The following BCL7B variants were observed in gnomAD, a reference collection of about 807,000 sequenced individuals.
BCL7B encodes the protein B-cell CLL/lymphoma 7 protein family member B.
A neutral mutation model predicts 26.5 loss-of-function variants in BCL7B; 11 were observed. That is an observed-to-expected ratio of 0.42 (90% confidence interval 0.26 to 0.69). The LOEUF (loss-of-function observed/expected upper bound fraction) is 0.69, where lower values mean the gene tolerates loss of function less well. Among genes scored for constraint, BCL7B ranks in the 30% least tolerant of loss-of-function variants. The probability of loss-of-function intolerance (pLI) is 0.28; values close to 1 mark genes in which losing one functional copy is unlikely to be tolerated. For synonymous variants in BCL7B, 111 were observed against 107.9 expected (o/e 1.03, Z -0.18); for missense variants, 215 against 264.4 (o/e 0.81, Z 1.30).
Position 73,557,438 on chromosome 7 carries a change from G to A in BCL7B, c.92+49C>T, listed in dbSNP as rs377124364. 1,210 of 1,266,310 alleles carry A rather than the reference G, an allele frequency of 9.6e-4. 1 individual carries two copies. Among genetic ancestry groups the A allele is most frequent in the Non-Finnish European group, 1.2e-3 (1,143 of 989,440 alleles). 78.4% of individuals were successfully genotyped at this position (1,266,310 alleles called of 1,614,324 possible). On this transcript the variant is annotated intron_variant, in intron 1 of 5. Coordinates refer to ENST00000223368, the MANE Select transcript of BCL7B (RefSeq NM_001707.4). ...TGACCCGCCAGTCCCACGCTCCTCAGGGCCTGGATCCGCGACCCCCGCCAG... is the reference window on the plus strand; with the variant it reads ...TGACCCGCCAGTCCCACGCTCCTCAAGGCCTGGATCCGCGACCCCCGCCAG...
intron 2 of BCL7B, among the ~76,000 whole-genome samples, chr7:73,549,397 AG>A (rs1792072875): frequency 6.6e-6 from 1 of 152,220 alleles, no homozygotes; most frequent in Non-Finnish European, 1.5e-5. Flanking sequence ...AAAATGTTAG[AG>A]GCTGGTGCAG....
At position 73,536,883 on chromosome 7, in the gene BCL7B, C is replaced by T. The variant is rs928563150; in HGVS notation, c.*415G>A. 3.7e-5 allele frequency: 6 copies of T among 160,682 alleles called. No individual in the cohort carries two copies. The highest frequency in any genetic ancestry group is 6.9e-5 in the Non-Finnish European group (5 of 72,950). 10.0% of individuals were successfully genotyped at this position (160,682 alleles called of 1,614,324 possible). ...GGGCCCCCAGTCCTAGGGGAAAGTC[C>T]GGGAGTCTACAGTCTCCGTTCAAGT... On this transcript the variant is annotated 3_prime_UTR_variant, in exon 6 of 6. Transcript: ENST00000223368.
At chr7:73,547,444 T>C (rs782671804) in intron 2 of BCL7B, among the ~76,000 whole-genome samples, 1 of 152,050 alleles carries the variant, frequency 6.6e-6, no homozygotes, top group Non-Finnish European at 1.5e-5. Context: ...GCATGAGCTA[T>C]GGAGTGAGAC....
chr7:73,542,297 C>A (rs12155245), intron 3 of BCL7B, among the ~76,000 whole-genome samples: 37 of 152,230 alleles, frequency 2.4e-4, no homozygotes, highest in Non-Finnish European at 4.0e-4. Context: ...GACTACTGAA[C>A]ACACGTTGGT....
intron 2 of BCL7B, among the ~76,000 whole-genome samples, chr7:73,545,899 AG>A (rs1791935622): frequency 6.6e-6 from 1 of 152,072 alleles, no homozygotes; most frequent in Admixed American, 6.6e-5. Context: ...TGGGAGGCCG[AG>A]GTGGGCCGAT....
chr7:73,551,118 T>C (rs1342715112), intron 2 of BCL7B, among the ~76,000 whole-genome samples: 1 of 151,982 alleles, frequency 6.6e-6, no homozygotes, highest in Admixed American at 6.6e-5. Flanking sequence ...CACAATACAG[T>C]GGGGGACTAA....
chr7:73,539,626 G>A (rs1212470220), intron 4 of BCL7B: 2 of 433,566 alleles, frequency 4.6e-6, no homozygotes, highest in Non-Finnish European at 8.3e-6. Flanking sequence ...CACCTCACAG[G>A]ATTTTTGAGA....
rs1246317194 is a variant in BCL7B at position 73,543,209 on chromosome 7, C to T, written c.265+339G>A. ...TTTTTTTTTTTGAGACGGAGTCTCA[C>T]TCTGCAGCCCAGGCTGGAGTGCAGT... On this transcript the variant is annotated intron_variant, in intron 3 of 5. Transcript: ENST00000223368. Among the ~76,000 whole-genome samples, 4 of 151,120 alleles carry T rather than the reference C, an allele frequency of 2.6e-5. No individual in the cohort carries two copies. The East Asian group carries it at 7.8e-4, about 29-fold the overall frequency.
chr7:73,548,791 G>A (rs1224806601), intron 2 of BCL7B, among the ~76,000 whole-genome samples: 3 of 151,904 alleles, frequency 2.0e-5, no homozygotes, highest in Non-Finnish European at 4.4e-5. Context: ...TTAGCCAGAT[G>A]TGGTGGCGCA....
chr7:73,546,311 A>G (rs1401013201), intron 2 of BCL7B, among the ~76,000 whole-genome samples: 1 of 151,666 alleles, frequency 6.6e-6, no homozygotes, highest in Admixed American at 6.6e-5. Context: ...TCTGTACCAG[A>G]AGGAGCAGAA....
chr7:73,552,368 TG>T, intron 1 of BCL7B, 126 bp from the exon 2 acceptor site: 1 of 767,704 alleles, frequency 1.3e-6, no homozygotes. Context: ...TTCCTCTTGG[TG>T]GGGTATGGTA....
In BCL7B at chr7:73,543,570, G is replaced by A. The variant is rs781882464; in HGVS notation, c.243C>T (p.Ser81=). The A allele has an allele frequency of 6.2e-7, 1 of 1,613,828 alleles. No homozygotes were observed. The highest frequency in any genetic ancestry group is 8.5e-7 in the Non-Finnish European group (1 of 1,179,884). The change falls in exon 3 of 6, where the codon TCC becomes TCT. Residue 81 remains serine, a synonymous_variant. Transcript: ENST00000223368. ...CACCCTGGAATTCAAGAAGGAGAGA[G>A]GAATTGGCTGAGGCATCAGAAGGAA... ...NGFPSDASAN[S]SLLLEFQDEN...
At position 73,539,863 on chromosome 7, in the gene BCL7B, T is replaced by C; in HGVS notation, c.436+19A>G. On this transcript the variant is annotated intron_variant, in intron 4 of 5. Transcript: ENST00000223368. ...CAAGGCCCTTCTAGGAAACTCATCC[T>C]CGGCCAACCACGACTCACCCTCCAG... 9 of 1,608,236 alleles carry C rather than the reference T, an allele frequency of 5.6e-6. No individual in the cohort carries two copies. Among genetic ancestry groups the C allele is most frequent in the Non-Finnish European group, 6.8e-6 (8 of 1,177,370 alleles).
intron 2 of BCL7B, among the ~76,000 whole-genome samples, chr7:73,550,878 CG>C (rs1184327667): frequency 6.6e-6 from 1 of 151,996 alleles, no homozygotes; most frequent in Non-Finnish European, 1.5e-5. Flanking sequence ...AGGATGGTCT[CG>C]ATCTCCTGAC....
chr7:73,548,809 A>C (rs1452441813), intron 2 of BCL7B, among the ~76,000 whole-genome samples: 1 of 152,032 alleles, frequency 6.6e-6, no homozygotes, highest in Non-Finnish European at 1.5e-5. Flanking sequence ...GCATGCCTGT[A>C]ATCCCAGCTA....
intron 3 of BCL7B, 168 bp from the exon 4 acceptor site, chr7:73,540,220 A>G: frequency 1.5e-6 from 1 of 681,470 alleles, no homozygotes; most frequent in Non-Finnish European, 2.4e-6. Flanking sequence ...CACCAGAGGC[A>G]GCCAGAATCT....
intron 2 of BCL7B, among the ~76,000 whole-genome samples, chr7:73,544,439 AAAAT>A (rs1158145394): frequency 2.4e-4 from 37 of 151,472 alleles, no homozygotes; most frequent in South Asian, 1.7e-3. Flanking sequence ...AACAAAAAAT[AAAAT>A]AAATAAATAA....
chr7:73,550,462 T>G (rs1415684468), intron 2 of BCL7B, among the ~76,000 whole-genome samples: 1 of 151,764 alleles, frequency 6.6e-6, no homozygotes, highest in Non-Finnish European at 1.5e-5. Flanking sequence ...GGAGAATTGC[T>G]TGAACCTGGG....
chr7:73,556,904 A>T, intron 1 of BCL7B: 1 of 940,360 alleles, frequency 1.1e-6, no homozygotes. Context: ...GACTCTCCTG[A>T]CAGCCGCCGG....
Sources: gnomAD v4.1 joint callset for allele counts (sites outside exome capture counted in the v4.1 genomes callset) on GRCh38, gnomAD v4.1.1 for gene constraint, MANE v1.5 for transcripts, NCBI Gene and HGNC (gene_info 2026-07-23, HGNC 2026-07-21) for gene names.